The following GPC5 variants were observed in gnomAD, a reference collection of about 807,000 sequenced individuals.
GPC5 encodes the protein glypican 5.
A neutral mutation model predicts 53.9 loss-of-function variants in GPC5; 47 were observed. The ratio of observed to expected loss-of-function variants is 0.87; its 90% CI spans 0.69 to 1.11. The LOEUF (loss-of-function observed/expected upper bound fraction) is 1.11. Among genes scored for constraint, GPC5 ranks in the 50% most tolerant of loss-of-function variants. The pLI, the probability that GPC5 is intolerant of heterozygous loss-of-function variation, is 0.00. For synonymous variants in GPC5, 286 were observed against 263.3 expected, an observed-to-expected ratio of 1.09 and a Z score of -0.84; for missense variants, 748 against 713.1, an observed-to-expected ratio of 1.05 and a Z score of -0.56.
intron 7 of GPC5, among the ~76,000 whole-genome samples, chr13:92,202,653 A>T (rs994433000): frequency 6.6e-6 from 1 of 152,304 alleles, no homozygotes; most frequent in African/African-American, 2.4e-5. Context: ...CCATTTATTG[A>T]AAATGTAGTG....
At chr13:92,748,486 ATTGT>A (rs900270867) in intron 7 of GPC5, among the ~76,000 whole-genome samples, 22 of 151,588 alleles carry the variant, frequency 1.5e-4, no homozygotes, top group African/African-American at 5.1e-4. Context: ...CGCCCTGCTA[ATTGT>A]TTGTAATTTT....
intron 6 of GPC5, among the ~76,000 whole-genome samples, chr13:91,952,763 A>T (rs1050454654): frequency 6.6e-6 from 1 of 152,178 alleles, no homozygotes; most frequent in African/African-American, 2.4e-5. Flanking sequence ...ATAATCCCTG[A>T]ACAAAAAGAT....
At chr13:92,286,380 T>A (rs1203944491) in intron 7 of GPC5, among the ~76,000 whole-genome samples, 2 of 152,130 alleles carry the variant, frequency 1.3e-5, no homozygotes, top group Non-Finnish European at 2.9e-5. Flanking sequence ...GCCATCCCAT[T>A]ACGGGTATAT....
At chr13:92,723,739 G>A (rs1008399536) in intron 7 of GPC5, among the ~76,000 whole-genome samples, 1 of 151,630 alleles carries the variant, frequency 6.6e-6, no homozygotes, top group Non-Finnish European at 1.5e-5. Context: ...TTTTAGGTTA[G>A]TTTCTTGAAG....
chr13:91,415,747 G>C (rs970449557), intron 1 of GPC5, among the ~76,000 whole-genome samples: 7 of 141,658 alleles, frequency 4.9e-5, no homozygotes, highest in African/African-American at 1.2e-4. Flanking sequence ...TTGCGGGGGT[G>C]GGGGGGGTGG....
intron 7 of GPC5, among the ~76,000 whole-genome samples, chr13:92,644,015 G>A (rs2139154832): frequency 1.3e-5 from 2 of 152,296 alleles, no homozygotes; most frequent in South Asian, 4.1e-4. Flanking sequence ...GCATAATTTT[G>A]AAACTAAGTT....
rs562178928 is a variant in GPC5, at chr13:91,866,328, T to G, written c.1281-41609T>G. Among the ~76,000 whole-genome samples the G allele has an allele frequency of 4.6e-5, 7 of 152,310 alleles. No individual in the cohort carries two copies. In the South Asian group the frequency reaches 1.4e-3, roughly 32 times the overall value. On this transcript the variant is annotated intron_variant, in intron 5 of 7. Coordinates refer to ENST00000377067, the MANE Select transcript of GPC5 (RefSeq NM_004466.6). ...AAACAGTAAATTTCTGTTAGTGATATGGTTTGGATATTTTGTCCCCTCCAA... is the reference window on the plus strand; with the variant it reads ...AAACAGTAAATTTCTGTTAGTGATAGGGTTTGGATATTTTGTCCCCTCCAA...
intron 6 of GPC5, among the ~76,000 whole-genome samples, chr13:92,057,297 ACAAAAAAC>A (rs1462277349): frequency 2.0e-5 from 2 of 101,564 alleles, no homozygotes; most frequent in Non-Finnish European, 4.3e-5. Context: ...AAACAAAAAA[ACAAAAAAC>A]AAAAAACAAA....
chr13:91,675,870 C>T (rs1046408658), intron 2 of GPC5, among the ~76,000 whole-genome samples: 3 of 152,076 alleles, frequency 2.0e-5, no homozygotes, highest in African/African-American at 7.2e-5. Context: ...GAGTGGAAAA[C>T]AGGTTAGGCT....
At chr13:91,697,919 TG>T (rs1324453324) in intron 3 of GPC5, among the ~76,000 whole-genome samples, 14 of 136,798 alleles carry the variant, frequency 1.0e-4, no homozygotes, top group Admixed American at 5.0e-4. Flanking sequence ...TTTTTTTTTT[TG>T]AGACGGAGTC....
chr13:92,279,008 C>T (rs1033157843), intron 7 of GPC5, among the ~76,000 whole-genome samples: 4 of 151,868 alleles, frequency 2.6e-5, no homozygotes, highest in Admixed American at 6.6e-5. Context: ...CTATTAAGGG[C>T]CCCTTGTGAT....
intron 7 of GPC5, among the ~76,000 whole-genome samples, chr13:92,244,746 T>C (rs921576074): frequency 6.6e-6 from 1 of 152,040 alleles, no homozygotes; most frequent in Non-Finnish European, 1.5e-5. Flanking sequence ...AGAGTTAAAA[T>C]TGCATATTGT....
At chr13:91,472,498 T>G (rs1418314312) in intron 2 of GPC5, among the ~76,000 whole-genome samples, 1 of 152,154 alleles carries the variant, frequency 6.6e-6, no homozygotes, top group Non-Finnish European at 1.5e-5. Flanking sequence ...TCAAGAAGAT[T>G]TTGTGTATGT....
chr13:92,483,312 T>C (rs1355026086), intron 7 of GPC5, among the ~76,000 whole-genome samples: 2 of 152,210 alleles, frequency 1.3e-5, no homozygotes, highest in East Asian at 3.8e-4. Flanking sequence ...TAAGGCTACA[T>C]GGTGGAGCCT....
chr13:91,928,310 C>T (rs2039788114), intron 6 of GPC5, among the ~76,000 whole-genome samples: 1 of 152,198 alleles, frequency 6.6e-6, no homozygotes, highest in South Asian at 2.1e-4. Flanking sequence ...TACCTGCTCT[C>T]ACATAGATTC....
In GPC5 at chr13:92,844,033, C is replaced by G. The variant is rs545744670; in HGVS notation, c.1562-22249C>G. On this transcript the variant is annotated intron_variant, in intron 7 of 7. Coordinates refer to ENST00000377067, the MANE Select transcript of GPC5 (RefSeq NM_004466.6). ...CTGGAAGACACTTTGGAGGTGTCTACTCCAACCACCTCATTTTATGAATTA... is the reference window on the plus strand; with the variant it reads ...CTGGAAGACACTTTGGAGGTGTCTAGTCCAACCACCTCATTTTATGAATTA... Among the ~76,000 whole-genome samples, 18 of 151,554 alleles carry G rather than the reference C, an allele frequency of 1.2e-4. No individual in the cohort carries two copies. In the South Asian group the frequency reaches 3.8e-3, roughly 32 times the overall value.
intron 6 of GPC5, among the ~76,000 whole-genome samples, chr13:91,953,084 A>G (rs758342979): frequency 5.3e-5 from 8 of 152,312 alleles, no homozygotes; most frequent in Non-Finnish European, 1.0e-4. Flanking sequence ...TTTGCCACTA[A>G]TTGCAAATGG....
At chr13:92,465,610 T>G (rs970023573) in intron 7 of GPC5, among the ~76,000 whole-genome samples, 9 of 152,022 alleles carry the variant, frequency 5.9e-5, no homozygotes, top group African/African-American at 1.9e-4. Context: ...TAATCCGAGG[T>G]GGATGGCCAC....
At chr13:92,712,696 C>T (rs1888179901) in intron 7 of GPC5, among the ~76,000 whole-genome samples, 1 of 152,122 alleles carries the variant, frequency 6.6e-6, no homozygotes, top group Admixed American at 6.6e-5. Context: ...ATTCGTTGTG[C>T]CTCCTCCAGA....
Sources: allele counts gnomAD v4.1 joint callset (sites outside exome capture counted in the v4.1 genomes callset), GRCh38; gene constraint gnomAD v4.1.1; transcripts MANE v1.5; gene names NCBI Gene and HGNC (gene_info 2026-07-23, HGNC 2026-07-21).